Variants in PLGRKT observed in about 807,000 individuals in gnomAD.
PLGRKT encodes plasminogen receptor with a C-terminal lysine, also known as plasminogen receptor (KT).
Under a neutral mutation model 18.5 loss-of-function variants are expected in PLGRKT, and 22 were observed. The ratio of observed to expected loss-of-function variants is 1.19; its 90% confidence interval spans 0.85 to 1.70. PLGRKT has a LOEUF of 1.70. Among genes scored for constraint, PLGRKT ranks in the 40% most tolerant of loss-of-function variants. The pLI is 0.00. For missense variants in PLGRKT, 235 were observed against 174.4 expected, an observed-to-expected ratio of 1.35 and a Z score of -1.96; for synonymous variants, 72 against 52.8, an observed-to-expected ratio of 1.36 and a Z score of -1.58.
At chr9:5,434,530 G>C (rs1265022771) in intron 2 of PLGRKT, among the ~76,000 whole-genome samples, 1 of 145,308 alleles carries the variant, frequency 6.9e-6, no homozygotes, top group Non-Finnish European at 1.5e-5. Flanking sequence ...GCTGCTCTTT[G>C]TCTGGGAGGT....
In PLGRKT at chr9:5,385,384, G is replaced by A. The variant is rs189884801; in HGVS notation, c.82-23496C>T. ...GCTAATTTTTTGCATTTTTAGTAGA[G>A]ACATGGTTTCACTGTGTTAGCCAGG... On this transcript the variant is annotated intron_variant, in intron 3 of 5. Transcript: ENST00000223864. 4.7e-3 allele frequency among the ~76,000 whole-genome samples: 705 copies of A among 150,810 alleles called. 9 individuals are homozygous for A. Among genetic ancestry groups the A allele is most frequent in the African/African-American group, 0.016 (635 of 40,394 alleles).
chr9:5,423,372 T>A (rs1282918758), intron 3 of PLGRKT, among the ~76,000 whole-genome samples: 1 of 152,206 alleles, frequency 6.6e-6, no homozygotes, highest in Non-Finnish European at 1.5e-5. Flanking sequence ...TGGAAGTATG[T>A]TTCTTTTTAT....
intron 2 of PLGRKT, among the ~76,000 whole-genome samples, chr9:5,436,194 A>G (rs1026743668): frequency 3.9e-5 from 6 of 152,326 alleles, no homozygotes; most frequent in Admixed American, 6.5e-5. Flanking sequence ...CATCTCTAAC[A>G]GCAGACCAGA....
intron 3 of PLGRKT, among the ~76,000 whole-genome samples, chr9:5,400,585 G>C (rs1454966637): frequency 2.6e-5 from 4 of 151,932 alleles, no homozygotes; most frequent in African/African-American, 9.7e-5. Context: ...TGTGTTTACT[G>C]AACATCATCC....
chr9:5,425,320 C>G (rs964340786), intron 3 of PLGRKT, among the ~76,000 whole-genome samples: 8 of 152,126 alleles, frequency 5.3e-5, no homozygotes, highest in African/African-American at 1.9e-4. Context: ...TAGAAAGAAA[C>G]TGAAGTTTGT....
chr9:5,373,324 C>T (rs189830255), intron 3 of PLGRKT, among the ~76,000 whole-genome samples: 1 of 152,204 alleles, frequency 6.6e-6, no homozygotes, highest in Non-Finnish European at 1.5e-5. Flanking sequence ...CTCTTCCTTG[C>T]TTATCTAATT....
intron 4 of PLGRKT, 98 bp downstream of exon 4, chr9:5,361,660 G>T: frequency 1.7e-6 from 2 of 1,177,496 alleles, no homozygotes; most frequent in Non-Finnish European, 1.2e-6. Context: ...TACACTATTT[G>T]GACCAAAGTC....
At chr9:5,376,797 T>C (rs1019143910) in intron 3 of PLGRKT, among the ~76,000 whole-genome samples, 2 of 152,178 alleles carry the variant, frequency 1.3e-5, no homozygotes, top group Non-Finnish European at 2.9e-5. Context: ...CATATAATCA[T>C]ATTCCAATAT....
chr9:5,398,081 G>C (rs903070751), intron 3 of PLGRKT, among the ~76,000 whole-genome samples: 1 of 151,864 alleles, frequency 6.6e-6, no homozygotes, highest in African/African-American at 2.4e-5. Flanking sequence ...TAGGATATCA[G>C]TGGATGGACA....
At chr9:5,378,592 T>G (rs1817677442) in intron 3 of PLGRKT, among the ~76,000 whole-genome samples, 1 of 152,232 alleles carries the variant, frequency 6.6e-6, no homozygotes, top group South Asian at 2.1e-4. Context: ...GGGGTTGGGA[T>G]GCAGCTTAAG....
rs1180227777 is a variant in PLGRKT, at chr9:5,407,709, C to G, written c.81+24188G>C. ...CAAATCCACACCTAAAGTGATAACT[C>G]AAGAACAGGAGAAGTGGAGAATTTG... On this transcript the variant is annotated intron_variant, in intron 3 of 5. Coordinates refer to ENST00000223864, the MANE Select transcript of PLGRKT (RefSeq NM_018465.4). 3.3e-5 allele frequency among the ~76,000 whole-genome samples: 5 copies of G among 151,786 alleles called. No individual in the cohort carries two copies. The East Asian group carries it at 5.8e-4, about 18-fold the overall frequency.
At chr9:5,387,722 T>C (rs1175995195) in intron 3 of PLGRKT, among the ~76,000 whole-genome samples, 2 of 151,700 alleles carry the variant, frequency 1.3e-5, no homozygotes, top group African/African-American at 4.9e-5. Context: ...TACACAGGAA[T>C]AAACATCTGT....
chr9:5,366,468 A>T (rs1252441745), intron 3 of PLGRKT, among the ~76,000 whole-genome samples: 1 of 152,280 alleles, frequency 6.6e-6, no homozygotes, highest in East Asian at 1.9e-4. Flanking sequence ...AATGTTCCTG[A>T]TTATAACTTC....
chr9:5,420,160 GC>G (rs1289394385), intron 3 of PLGRKT, among the ~76,000 whole-genome samples: 2 of 152,174 alleles, frequency 1.3e-5, no homozygotes, highest in African/African-American at 4.8e-5. Context: ...TACAGAAAAT[GC>G]CCAAAATAGG....
intron 3 of PLGRKT, among the ~76,000 whole-genome samples, chr9:5,387,782 T>C (rs1465500576): frequency 6.6e-6 from 1 of 151,782 alleles, no homozygotes; most frequent in East Asian, 1.9e-4. Context: ...ATATCTATGT[T>C]ATACTTTAAC....
intron 3 of PLGRKT, among the ~76,000 whole-genome samples, chr9:5,426,889 TCCAA>T (rs1818712137): frequency 6.6e-6 from 1 of 152,174 alleles, no homozygotes; most frequent in Non-Finnish European, 1.5e-5. Flanking sequence ...CATCCCAGCA[TCCAA>T]CGAGGCTCTC....
At chr9:5,416,414 G>T (rs1021978127) in intron 3 of PLGRKT, among the ~76,000 whole-genome samples, 3 of 152,060 alleles carry the variant, frequency 2.0e-5, no homozygotes, top group African/African-American at 7.2e-5. Flanking sequence ...GTCTGTCTGT[G>T]TACATATTAT....
chr9:5,402,148 A>C (rs1341493145), intron 3 of PLGRKT, among the ~76,000 whole-genome samples: 1 of 151,994 alleles, frequency 6.6e-6, no homozygotes, highest in African/African-American at 2.4e-5. Context: ...GGTTTCTGTT[A>C]AATTTTAGAA....
intron 3 of PLGRKT, among the ~76,000 whole-genome samples, chr9:5,388,231 G>A (rs1280654098): frequency 1.3e-5 from 2 of 151,824 alleles, no homozygotes; most frequent in South Asian, 2.1e-4. Context: ...GACTGAGACA[G>A]CACAGTCAGA....
Sources: allele counts gnomAD v4.1 joint callset (sites outside exome capture counted in the v4.1 genomes callset), GRCh38; gene constraint gnomAD v4.1.1; transcripts MANE v1.5; gene names NCBI Gene and HGNC (gene_info 2026-07-23, HGNC 2026-07-21).